The following GATAD2A variants were observed in gnomAD, a reference collection of about 807,000 sequenced individuals.
The protein encoded by GATAD2A is GATA zinc finger domain containing 2A.
GATAD2A carries 12 observed loss-of-function variants against 68.5 expected under a neutral mutation model. The observed-to-expected ratio is 0.18, with a 90% CI of 0.11 to 0.28. The LOEUF (loss-of-function observed/expected upper bound fraction) is 0.28, where lower values mean the gene tolerates loss of function less well. Ranked by LOEUF, GATAD2A falls within the 10% of genes least tolerant of loss-of-function variation. The probability of loss-of-function intolerance (pLI) is 1.00; values close to 1 mark genes in which losing one functional copy is unlikely to be tolerated. For synonymous variants in GATAD2A, 410 were observed against 375.3 expected (o/e 1.09, Z -1.07); for missense variants, 755 against 868.5 (o/e 0.87, Z 1.64).
chr19:19,496,667 C>T (rs933876275), intron 7 of GATAD2A, among the ~76,000 whole-genome samples: 3 of 152,232 alleles, frequency 2.0e-5, no homozygotes. Context: ...AGCAAATGTT[C>T]TCATGTCACC....
At chr19:19,495,965 T>C (rs1042082934) in intron 6 of GATAD2A, 80 bp downstream of exon 6, 65 of 1,584,182 alleles carry the variant, frequency 4.1e-5, no homozygotes, top group Admixed American at 6.7e-5. Context: ...TTCCCAGTCC[T>C]TGGGGGCAAG....
At chr19:19,504,727 C>T in intron 11 of GATAD2A, among the ~76,000 whole-genome samples, 2 of 150,238 alleles carry the variant, frequency 1.3e-5, no homozygotes, top group Non-Finnish European at 2.9e-5. Flanking sequence ...AGCTCTCTTG[C>T]AGCCTGGATC....
At chr19:19,484,643 C>T (rs1042279326) in intron 2 of GATAD2A, among the ~76,000 whole-genome samples, 6 of 149,330 alleles carry the variant, frequency 4.0e-5, no homozygotes, top group Non-Finnish European at 8.9e-5. Context: ...ATGCCATTCT[C>T]CTGCCTCAGC....
intron 2 of GATAD2A, among the ~76,000 whole-genome samples, chr19:19,475,482 G>GC (rs796725379): frequency 1.2e-3 from 156 of 130,494 alleles, no homozygotes; most frequent in African/African-American, 2.5e-3. Context: ...GCTCTCTGGA[G>GC]CCCCCCCCCC....
intron 1 of GATAD2A, among the ~76,000 whole-genome samples, chr19:19,411,269 T>C (rs1490158821): frequency 6.6e-6 from 1 of 152,226 alleles, no homozygotes; most frequent in Non-Finnish European, 1.5e-5. Flanking sequence ...TTTTTTCCAC[T>C]GCCTTGGGGC....
chr19:19,388,057 C>CTTTTT (rs1568686046), intron 1 of GATAD2A, among the ~76,000 whole-genome samples: 1 of 125,984 alleles, frequency 7.9e-6, no homozygotes, highest in African/African-American at 4.2e-5. Context: ...AGCTTCTCCT[C>CTTTTT]CTTTTTTTTT....
chr19:19,425,912 C>G (rs1293429579), intron 1 of GATAD2A, among the ~76,000 whole-genome samples: 1 of 152,024 alleles, frequency 6.6e-6, no homozygotes, highest in Non-Finnish European at 1.5e-5. Flanking sequence ...ATGTCAGCCT[C>G]TAGCGTAGCT....
chr19:19,429,917 G>A (rs2053545071), intron 1 of GATAD2A, among the ~76,000 whole-genome samples: 1 of 152,030 alleles, frequency 6.6e-6, no homozygotes, highest in Non-Finnish European at 1.5e-5. Context: ...TGGGGAGAGC[G>A]GGGACTGCTC....
chr19:19,390,879 G>A (rs1466613382), intron 1 of GATAD2A, among the ~76,000 whole-genome samples: 1 of 152,160 alleles, frequency 6.6e-6, no homozygotes, highest in African/African-American at 2.4e-5. Context: ...CTGGGAAAGT[G>A]ATGTACAAAG....
In GATAD2A at chr19:19,436,568, C is replaced by A. The variant is rs556930293; in HGVS notation, c.-6-28772C>A. 2.6e-5 allele frequency among the ~76,000 whole-genome samples: 4 copies of A among 152,332 alleles called. No individual in the cohort carries two copies. The South Asian group carries it at 8.3e-4, about 32-fold the overall frequency. The stretch of plus-strand genomic sequence containing the variant: ...ATGATTTCCCAGCAGTGATAGATGC[C>A]GTTAGACTTTTTCCTTATTCACCGC... On this transcript the variant is annotated intron_variant, in intron 1 of 11. Coordinates refer to ENST00000683918, the MANE Select transcript of GATAD2A (RefSeq NM_001384528.1).
At position 19,469,818 on chromosome 19, in the gene GATAD2A, G is replaced by A. The variant is rs957540146; in HGVS notation, c.269+4204G>A. On this transcript the variant is annotated intron_variant, in intron 2 of 11. Coordinates refer to ENST00000683918, the MANE Select transcript of GATAD2A (RefSeq NM_001384528.1). ...AAAAATTAGCCAGGCGTGGTGGCAC[G>A]CACCTATAGTCCCAGCTACTTGGGA... Among the ~76,000 whole-genome samples, 7 of 152,136 alleles carry A rather than the reference G, an allele frequency of 4.6e-5. No individual in the cohort carries two copies. In the East Asian group the frequency reaches 9.7e-4, roughly 21 times the overall value.
At chr19:19,503,580 TAAG>T (rs2060685047) in intron 11 of GATAD2A, among the ~76,000 whole-genome samples, 1 of 151,628 alleles carries the variant, frequency 6.6e-6, no homozygotes, top group Non-Finnish European at 1.5e-5. Context: ...TTTGAAAGGA[TAAG>T]AAAGAAGTAG....
chr19:19,435,687 TA>T (rs952977200), intron 1 of GATAD2A, among the ~76,000 whole-genome samples: 37 of 152,070 alleles, frequency 2.4e-4, no homozygotes, highest in African/African-American at 8.7e-4. Context: ...CCGTCTCTAC[TA>T]AAAATACAAA....
At chr19:19,406,983 A>T (rs1387011031) in intron 1 of GATAD2A, among the ~76,000 whole-genome samples, 21 of 152,120 alleles carry the variant, frequency 1.4e-4, no homozygotes, top group Admixed American at 1.4e-3. Context: ...AGAGCTGTGG[A>T]TTCTTTAGAT....
intron 11 of GATAD2A, among the ~76,000 whole-genome samples, chr19:19,503,579 A>G (rs181684316): frequency 6.6e-6 from 1 of 152,192 alleles, no homozygotes; most frequent in East Asian, 1.9e-4. Flanking sequence ...GTTTGAAAGG[A>G]TAAGAAAGAA....
At chr19:19,407,173 G>A (rs2050376338) in intron 1 of GATAD2A, among the ~76,000 whole-genome samples, 1 of 152,260 alleles carries the variant, frequency 6.6e-6, no homozygotes, top group Non-Finnish European at 1.5e-5. Context: ...GGGTGTCTCA[G>A]TCTTGGACTG....
chr19:19,404,760 T>C (rs2050037800), upstream of GATAD2A, among the ~76,000 whole-genome samples: 1 of 152,206 alleles, frequency 6.6e-6, no homozygotes, highest in Non-Finnish European at 1.5e-5. Flanking sequence ...CAGTTGTACA[T>C]ATAGATTTAT....
At chr19:19,463,454 C>T (rs1014226873) in intron 1 of GATAD2A, among the ~76,000 whole-genome samples, 6 of 152,116 alleles carry the variant, frequency 3.9e-5, no homozygotes, top group Non-Finnish European at 8.8e-5. Flanking sequence ...CCTCCACATT[C>T]GACCTCTACC....
intron 1 of GATAD2A, among the ~76,000 whole-genome samples, chr19:19,436,577 T>C (rs982834672): frequency 2.6e-5 from 4 of 152,196 alleles, no homozygotes; most frequent in African/African-American, 9.7e-5. Flanking sequence ...CCGTTAGACT[T>C]TTTCCTTATT....
Sources: gnomAD v4.1 joint callset for allele counts (sites outside exome capture counted in the v4.1 genomes callset) on GRCh38, gnomAD v4.1.1 for gene constraint, MANE v1.5 for transcripts, NCBI Gene and HGNC (gene_info 2026-07-23, HGNC 2026-07-21) for gene names.